RGSL1: variants seen among roughly 807,000 people sequenced by gnomAD.
RGSL1 encodes the protein regulator of G protein signaling protein-like.
In RGSL1, 97 loss-of-function variants were observed where a neutral mutation model predicts 124.7. The ratio of observed to expected loss-of-function variants is 0.78; its 90% confidence interval spans 0.66 to 0.92. RGSL1 has a LOEUF of 0.92. Among genes scored for constraint, RGSL1 ranks in the 40% least tolerant of loss-of-function variants. RGSL1 has a pLI of 0.00. For missense variants in RGSL1, 1,233 were observed against 1,288.4 expected (o/e 0.96, Z 0.66); for synonymous variants, 424 against 438.1 (o/e 0.97, Z 0.40).
intron 5 of RGSL1, 43 bp from the exon 6 acceptor site, chr1:182,473,532 C>T: frequency 6.8e-7 from 1 of 1,479,458 alleles, no homozygotes; most frequent in South Asian, 1.4e-5. Context: ...TCACTGCCAT[C>T]ATCCCATCAT....
chr1:182,555,812 T>C (rs937633531), intron 20 of RGSL1: 2 of 579,526 alleles, frequency 3.5e-6, no homozygotes, highest in African/African-American at 3.8e-5. Context: ...TGAAGCTCTT[T>C]ACACTGGAAA....
At chr1:182,458,269 C>T (rs113105044) in intron 2 of RGSL1, 50 bp from the exon 3 acceptor site, 3 of 1,378,542 alleles carry the variant, frequency 2.2e-6, no homozygotes, top group East Asian at 2.5e-5. Flanking sequence ...GTGTCATATA[C>T]ATGAAGAGAA....
rs1317403377 is a variant in RGSL1, at chr1:182,503,981, T to C, written c.1825+10852T>C. Among the ~76,000 whole-genome samples, 131 of 142,230 alleles carry C rather than the reference T, an allele frequency of 9.2e-4. 11 individuals are homozygous for C. Among genetic ancestry groups the C allele is most frequent in the Non-Finnish European group, 1.4e-3 (90 of 64,978 alleles). The allele number at this position is 142,230 out of a possible 152,430, so 93.3% of individuals were successfully genotyped here. A position where few individuals can be genotyped will look rare whatever the true frequency, so the allele number is the denominator to read the frequency against. Reference sequence around the variant, plus strand: ...TGGTCCCTTTTGTAATTTCTTTTTTTTTTTTTTTTTTTTTTTTGAGACAGA... The same window carrying C: ...TGGTCCCTTTTGTAATTTCTTTTTTCTTTTTTTTTTTTTTTTTGAGACAGA... On this transcript the variant is annotated intron_variant, in intron 9 of 21. Transcript: ENST00000294854.
intron 10 of RGSL1, among the ~76,000 whole-genome samples, chr1:182,522,790 T>G (rs1658444288): frequency 6.6e-6 from 1 of 152,240 alleles, no homozygotes; most frequent in Non-Finnish European, 1.5e-5. Flanking sequence ...TACCGGTCTT[T>G]ACTTTTTAGG....
chr1:182,474,116 G>C lies in RGSL1; in HGVS notation c.1005G>C (p.Glu335Asp), dbSNP rs763318984. ...ACCTCCACATGGAAGCCCCCTTTGA[G>C]ACAAAGGTCTCTACCCACCTGAGGA... ...KSHLHMEAPF[E>D]TKVSTHLRTV... The change falls in exon 6 of 22, where the codon GAG becomes GAC. Residue 335 changes from glutamate to aspartate, a missense_variant. Physicochemically the swap from Glu to Asp is conservative, Grantham distance 45. Coordinates refer to ENST00000294854, the MANE Select transcript of RGSL1 (RefSeq NM_001137669.2). The C allele has an allele frequency of 3.2e-6, 5 of 1,551,916 alleles. No individual in the cohort carries two copies. Among genetic ancestry groups the C allele is most frequent in the Non-Finnish European group, 4.4e-6 (5 of 1,147,032 alleles).
At chr1:182,522,326 A>G (rs1658408536) in intron 10 of RGSL1, among the ~76,000 whole-genome samples, 1 of 152,190 alleles carries the variant, frequency 6.6e-6, no homozygotes, top group Non-Finnish European at 1.5e-5. Context: ...TAACTTTTCA[A>G]ACTTAAACTA....
chr1:182,466,732 G>C (rs1039242427), intron 4 of RGSL1, among the ~76,000 whole-genome samples: 3 of 152,058 alleles, frequency 2.0e-5, no homozygotes, highest in African/African-American at 7.2e-5. Context: ...ACTTAATGTT[G>C]TTAACATGCC....
chr1:182,559,081 T>C (rs1661024688), intron 21 of RGSL1, among the ~76,000 whole-genome samples: 1 of 152,318 alleles, frequency 6.6e-6, no homozygotes, highest in East Asian at 1.9e-4. Flanking sequence ...GCTCTGACTA[T>C]TCTTTCTGAT....
At chr1:182,545,250 C>T (rs1011808565) in intron 15 of RGSL1, among the ~76,000 whole-genome samples, 3 of 152,094 alleles carry the variant, frequency 2.0e-5, no homozygotes, top group African/African-American at 4.8e-5. Context: ...TCTTACATCA[C>T]AAAGAAAAGA....
At chr1:182,518,282 G>A (rs572762137) in intron 9 of RGSL1, among the ~76,000 whole-genome samples, 1 of 152,218 alleles carries the variant, frequency 6.6e-6, no homozygotes, top group South Asian at 2.1e-4. Flanking sequence ...TTCAGCTCTA[G>A]GAGGTACCTA....
At position 182,472,468 on chromosome 1, in the gene RGSL1, G is replaced by T; in HGVS notation, c.374G>T (p.Arg125Ile). The T allele has an allele frequency of 3.9e-6, 6 of 1,551,258 alleles. No individual in the cohort carries two copies. Among genetic ancestry groups the T allele is most frequent in the Non-Finnish European group, 5.2e-6 (6 of 1,146,686 alleles). Residue 125 changes from arginine (R) to isoleucine (I), a missense_variant, in exon 5 of 22, where the codon AGA becomes ATA. Coordinates refer to ENST00000294854, the MANE Select transcript of RGSL1 (RefSeq NM_001137669.2). ...ATAGATGAGATGGACCTGGAAGTGA[G>T]AGACTACTACCTGTCCCTCCTCCTC... Reference protein sequence around the residue: ...LSIDEMDLEVRDYYLSLLLML... With the variant: ...LSIDEMDLEVIDYYLSLLLML...
upstream of RGSL1, chr1:182,448,000 A>G (rs2101965427): frequency 6.6e-6 from 1 of 151,664 alleles, no homozygotes; most frequent in South Asian, 2.1e-4. Flanking sequence ...TTTACCAGTT[A>G]GGAAGAATCT....
chr1:182,546,380 A>G (rs1343449139), intron 15 of RGSL1, among the ~76,000 whole-genome samples: 1 of 151,186 alleles, frequency 6.6e-6, no homozygotes, highest in African/African-American at 2.4e-5. Context: ...CTGCCTGGCC[A>G]CACCTAACTC....
At position 182,531,569 on chromosome 1, in the gene RGSL1, C is replaced by T. The variant is rs571498626; in HGVS notation, c.2364+659C>T. ...CTCCAGAGATCATTCTAAGATATCTCGGAAAATAATACCTAAGTCCATTGA... is the reference window on the plus strand; with the variant it reads ...CTCCAGAGATCATTCTAAGATATCTTGGAAAATAATACCTAAGTCCATTGA... On this transcript the variant is annotated intron_variant, in intron 13 of 21. Transcript: ENST00000294854. 4.6e-5 allele frequency among the ~76,000 whole-genome samples: 7 copies of T among 152,210 alleles called. No homozygotes were observed. The East Asian group carries it at 5.8e-4, about 13-fold the overall frequency.
chr1:182,508,382 C>T (rs1395853903), intron 9 of RGSL1, among the ~76,000 whole-genome samples: 3 of 142,392 alleles, frequency 2.1e-5, no homozygotes, highest in Non-Finnish European at 4.5e-5. Context: ...CCACTGCAAC[C>T]TCCGCCTCCC....
At chr1:182,512,715 A>T (rs531558238) in intron 9 of RGSL1, among the ~76,000 whole-genome samples, 2 of 152,182 alleles carry the variant, frequency 1.3e-5, no homozygotes, top group African/African-American at 4.8e-5. Flanking sequence ...TCAGGTCACA[A>T]ACAGATTTGA....
Position 182,539,932 on chromosome 1 carries a change from G to T in RGSL1, c.2495-315G>T, listed in dbSNP as rs149130675. 1.1e-3 allele frequency among the ~76,000 whole-genome samples: 160 copies of T among 152,326 alleles called. 1 individual carries two copies. Among genetic ancestry groups the T allele is most frequent in the Admixed American group, 2.6e-3 (39 of 15,292 alleles). ...TCAGTGTTACACACTCCATTTGGAA[G>T]GTCACATCTCGTGTTTCATTTTCAG... On this transcript the variant is annotated intron_variant, in intron 14 of 21. Coordinates refer to ENST00000294854, the MANE Select transcript of RGSL1 (RefSeq NM_001137669.2).
intron 8 of RGSL1, among the ~76,000 whole-genome samples, chr1:182,490,819 T>C (rs1292351130): frequency 6.6e-6 from 1 of 152,188 alleles, no homozygotes; most frequent in Non-Finnish European, 1.5e-5. Flanking sequence ...TAAAGGGCCT[T>C]CTTTGCATTT....
chr1:182,461,198 T>C (rs755329353), intron 4 of RGSL1, among the ~76,000 whole-genome samples: 7 of 151,582 alleles, frequency 4.6e-5, no homozygotes, highest in Non-Finnish European at 1.0e-4. Flanking sequence ...CAACTGCATA[T>C]ATGGAGAAAA....
Sources: allele counts gnomAD v4.1 joint callset (sites outside exome capture counted in the v4.1 genomes callset), GRCh38; gene constraint gnomAD v4.1.1; transcripts MANE v1.5; gene names NCBI Gene and HGNC (gene_info 2026-07-23, HGNC 2026-07-21).